The following PWWP3B variants were observed in gnomAD, a reference collection of about 807,000 sequenced individuals.
The protein encoded by PWWP3B is PWWP domain-containing DNA repair factor 3B.
Under a neutral mutation model 15.7 loss-of-function variants are expected in PWWP3B, and 5 were observed. The observed-to-expected ratio is 0.32, with a 90% confidence interval of 0.17 to 0.67. PWWP3B has a LOEUF of 0.67. Ranked by LOEUF, PWWP3B falls within the 30% of genes least tolerant of loss-of-function variation. PWWP3B has a pLI of 0.74. For synonymous variants in PWWP3B, 203 were observed against 179.8 expected (o/e 1.13, Z -1.03); for missense variants, 519 against 493.1 (o/e 1.05, Z -0.50).
chrX:106,199,049 A>ATTT (rs776491785), intron 2 of PWWP3B, among the ~76,000 whole-genome samples: 3 of 94,718 alleles, frequency 3.2e-5, no homozygotes, highest in Admixed American at 1.2e-4. Flanking sequence ...TTTCATTGTA[A>ATTT]TTTTTTTTTT....
At chrX:106,180,145 G>C (rs1179819851) in intron 2 of PWWP3B, among the ~76,000 whole-genome samples, 1 of 111,275 alleles carries the variant, frequency 9.0e-6, no homozygotes, top group African/African-American at 3.3e-5. Flanking sequence ...GCTTAGAAGA[G>C]TCTAAAAAGA....
At chrX:106,195,436 C>CT (rs1275302706) in intron 2 of PWWP3B, among the ~76,000 whole-genome samples, 5 of 111,214 alleles carry the variant, frequency 4.5e-5, no homozygotes, top group South Asian at 7.5e-4. Flanking sequence ...AGATTTTCTA[C>CT]TTTTTTTTAC....
At chrX:106,175,942 T>C (rs1289603632) in intron 2 of PWWP3B, among the ~76,000 whole-genome samples, 1 of 111,269 alleles carries the variant, frequency 9.0e-6, no homozygotes, top group African/African-American at 3.3e-5. Flanking sequence ...AGCACCTCCC[T>C]TTCTCCACTG....
rs911855 is a variant in PWWP3B at position 106,170,646 on chromosome X, C to G, written c.-528-366C>G. Among the ~76,000 whole-genome samples the G allele has an allele frequency of 1.6e-3, 182 of 111,603 alleles. 3 individuals carry two copies. In the East Asian group the frequency reaches 0.046, roughly 28 times the overall value. On this transcript the variant is annotated intron_variant, in intron 1 of 3. Coordinates refer to ENST00000357175, the MANE Select transcript of PWWP3B (RefSeq NM_001171020.2). ...TGTAGAGTGTGATTGAAATTCCATT[C>G]AAAATATTATAAATATCTAGAAGAA...
chrX:106,175,040 C>CAAA (rs61441273), intron 2 of PWWP3B, among the ~76,000 whole-genome samples: 21 of 43,533 alleles, frequency 4.8e-4, no homozygotes, highest in African/African-American at 1.4e-3. Flanking sequence ...GACTCTGTCT[C>CAAA]AAAAAAAAAA....
intron 2 of PWWP3B, among the ~76,000 whole-genome samples, chrX:106,185,131 T>C (rs927590298): frequency 4.5e-5 from 5 of 111,829 alleles, no homozygotes; most frequent in Admixed American, 2.8e-4. Flanking sequence ...GATAGTATTG[T>C]AATTTATACT....
intron 2 of PWWP3B, among the ~76,000 whole-genome samples, chrX:106,176,705 A>T (rs1921919112): frequency 8.9e-6 from 1 of 112,092 alleles, no homozygotes; most frequent in African/African-American, 3.2e-5. Context: ...TTTTGTTTCC[A>T]ATTTCAGGAT....
At chrX:106,195,474 G>A (rs2147623569) in intron 2 of PWWP3B, among the ~76,000 whole-genome samples, 1 of 111,214 alleles carries the variant, frequency 9.0e-6, no homozygotes, top group South Asian at 3.8e-4. Flanking sequence ...TTTATATTTA[G>A]GTCGCTAACC....
intron 2 of PWWP3B, among the ~76,000 whole-genome samples, chrX:106,184,792 G>T (rs1290435750): frequency 9.0e-6 from 1 of 111,490 alleles, no homozygotes; most frequent in Non-Finnish European, 1.9e-5. Context: ...ATCAGAGAGG[G>T]AGAAGGGGAC....
chrX:106,182,045 C>G (rs1417799165), intron 2 of PWWP3B, among the ~76,000 whole-genome samples: 1 of 111,656 alleles, frequency 9.0e-6, no homozygotes, highest in Non-Finnish European at 1.9e-5. Context: ...CTCATACTAT[C>G]CCTGACTGGT....
At chrX:106,195,542 G>C (rs1421198809) in intron 2 of PWWP3B, among the ~76,000 whole-genome samples, 1 of 111,457 alleles carries the variant, frequency 9.0e-6, no homozygotes, top group African/African-American at 3.3e-5. Flanking sequence ...ATATTTTGGT[G>C]TGTGATGTCC....
Position 106,206,519 on chromosome X carries a change from C to G in PWWP3B, c.1087C>G (p.Arg363Gly). 4.1e-6 allele frequency: 5 copies of G among 1,206,681 alleles called. No homozygotes were observed. The highest frequency in any genetic ancestry group is 5.6e-6 in the Non-Finnish European group (5 of 893,334). The change falls in exon 4 of 4, where the codon CGC (arginine) becomes GGC (glycine). Residue 363 changes from arginine (R) to glycine (G), a missense_variant. Arg to Gly is a moderately radical substitution (Grantham distance 125). Transcript: ENST00000357175. ...CTCTGACAAGTCATTGCTTCCAAGT[C>G]GCATTAATCTTTCTCTATTAGATGA... is the stretch of plus-strand genomic sequence containing the variant. ...QASDKSLLPS[R>G]INLSLLDDDE... is the part of the protein sequence containing the mutation.
At position 106,205,927 on chromosome X, in the gene PWWP3B, T is replaced by C; in HGVS notation, c.495T>C (p.Tyr165=). Residue 165 remains tyrosine, a synonymous_variant, in exon 4 of 4, where the codon TAT becomes TAC. Coordinates refer to ENST00000357175, the MANE Select transcript of PWWP3B (RefSeq NM_001171020.2). ...CTTCAGAGAGTGATGATTCCCTGTA[T>C]GATGATAAATCACAAGCACCCACAA... ...LASSESDDSL[Y]DDKSQAPTMV... 1.7e-6 allele frequency: 2 copies of C among 1,211,094 alleles called. No homozygotes were observed.
intron 2 of PWWP3B, among the ~76,000 whole-genome samples, chrX:106,200,503 T>C (rs1923634020): frequency 9.0e-6 from 1 of 111,118 alleles, no homozygotes; most frequent in African/African-American, 3.3e-5. Flanking sequence ...ATTGTAATTA[T>C]ATATATATGA....
intron 2 of PWWP3B, among the ~76,000 whole-genome samples, chrX:106,172,213 A>G (rs777495838): frequency 9.1e-6 from 1 of 110,366 alleles, no homozygotes; most frequent in South Asian, 3.9e-4. Context: ...AATATTATGT[A>G]TACTACTGTA....
chrX:106,182,263 C>T (rs140796461), intron 2 of PWWP3B, among the ~76,000 whole-genome samples: 2,164 of 111,738 alleles, frequency 0.019, 55 homozygotes, highest in African/African-American at 0.066. Context: ...AGTAGATAAA[C>T]TGGCTATTCC....
chrX:106,196,988 G>T (rs1923416563), intron 2 of PWWP3B, among the ~76,000 whole-genome samples: 1 of 111,199 alleles, frequency 9.0e-6, no homozygotes, highest in Non-Finnish European at 1.9e-5. Flanking sequence ...TCTTACTCTT[G>T]TTCACATGAC....
intron 2 of PWWP3B, among the ~76,000 whole-genome samples, chrX:106,187,032 C>G (rs1214936968): frequency 8.9e-6 from 1 of 111,798 alleles, no homozygotes; most frequent in Non-Finnish European, 1.9e-5. Context: ...CCCACTCGAC[C>G]CAGGAAGTCC....
rs766424073 is a variant in PWWP3B, at chrX:106,191,525, T to A, written c.-400-12460T>A. Among the ~76,000 whole-genome samples, 3 of 111,198 alleles carry A rather than the reference T, an allele frequency of 2.7e-5. No homozygotes were observed. In the East Asian group the frequency reaches 8.5e-4, roughly 32 times the overall value. On this transcript the variant is annotated intron_variant, in intron 2 of 3. Transcript: ENST00000357175. ...ACTTCCTCTTTTCCTAATTGAATAC[T>A]CTTTATTTCCTTCTCCTGCCTGATT...
Sources: gnomAD v4.1 joint callset for allele counts (sites outside exome capture counted in the v4.1 genomes callset) on GRCh38, gnomAD v4.1.1 for gene constraint, MANE v1.5 for transcripts, NCBI Gene and HGNC (gene_info 2026-07-23, HGNC 2026-07-21) for gene names.